Variants in MVD observed in about 807,000 individuals in gnomAD.
MVD encodes the protein mevalonate diphosphate decarboxylase.
In MVD, 52 loss-of-function variants were observed where a neutral mutation model predicts 42.4. The observed-to-expected ratio is 1.23, with a 90% CI of 0.98 to 1.55. The LOEUF (loss-of-function observed/expected upper bound fraction) is 1.55. Ranked by LOEUF, MVD falls within the 40% of genes most tolerant of loss-of-function variation. The probability of loss-of-function intolerance (pLI) is 0.00; values close to 1 mark genes in which losing one functional copy is unlikely to be tolerated. For missense variants in MVD, 663 were observed against 572.1 expected (o/e 1.16, Z -1.62); for synonymous variants, 287 against 243.2 (o/e 1.18, Z -1.68).
rs949969692 is a variant in MVD, at chr16:88,652,250, T to C, written c.*275A>G. 16 of 572,534 alleles carry C rather than the reference T, an allele frequency of 2.8e-5. No homozygotes were observed. Among genetic ancestry groups the C allele is most frequent in the African/African-American group, 5.6e-5 (3 of 53,204 alleles). The allele number at this position is 572,534 out of a possible 1,614,324, so 35.5% of individuals were successfully genotyped here. A position where few individuals can be genotyped will look rare whatever the true frequency, so the allele number is the denominator to read the frequency against. On this transcript the variant is annotated 3_prime_UTR_variant, in exon 10 of 10. Coordinates refer to ENST00000301012, the MANE Select transcript of MVD (RefSeq NM_002461.3). ...GGGTGAGAAAGCCCTTCAGCCCTGC[T>C]GCACCGAGGCTCTGCCAGTTCTCAT...
At chr16:88,658,388 G>A (rs564735099) in intron 2 of MVD, among the ~76,000 whole-genome samples, 5 of 152,278 alleles carry the variant, frequency 3.3e-5, no homozygotes, top group Non-Finnish European at 5.9e-5. Flanking sequence ...GCTGGGAGTC[G>A]TCGCTAGGCC....
intron 6 of MVD, 51 bp from the exon 7 acceptor site, chr16:88,655,468 G>C (rs1486031413): frequency 3.3e-6 from 5 of 1,533,586 alleles, no homozygotes; most frequent in Admixed American, 3.9e-5. Flanking sequence ...CTCGACAGCA[G>C]AGGGTTCGAG....
rs901412477 is a variant in MVD at position 88,654,481 on chromosome 16, C to T, written c.1013+211G>A. ...GGAGACCCTGGGCGTTGCTCACACA[C>T]GCGTGAGCGGCCTCTCTTTCTTCCC... is the stretch of plus-strand genomic sequence containing the variant. On this transcript the variant is annotated intron_variant, in intron 8 of 9. Coordinates refer to ENST00000301012, the MANE Select transcript of MVD (RefSeq NM_002461.3). 6.6e-6 allele frequency among the ~76,000 whole-genome samples: 1 copy of T among 152,204 alleles called. No individual in the cohort carries two copies. Among genetic ancestry groups the T allele is most frequent in the Non-Finnish European group, 1.5e-5 (1 of 68,036 alleles).
chr16:88,654,934 AGTGGAGCT>A, intron 7 of MVD, 127 bp from the exon 8 acceptor site: 1 of 992,922 alleles, frequency 1.0e-6, no homozygotes. Flanking sequence ...GCCACACTGG[AGTGGAGCT>A]GTGACCCCAA....
intron 1 of MVD, among the ~76,000 whole-genome samples, chr16:88,661,935 T>G (rs1908323490): frequency 2.4e-5 from 1 of 41,910 alleles, no homozygotes; most frequent in South Asian, 1.4e-3. Flanking sequence ...CATATATCTA[T>G]ACAGGTGTAT....
rs567135469 is a variant in MVD, at chr16:88,661,345, T to G, written c.70+1666A>C. Among the ~76,000 whole-genome samples the G allele has an allele frequency of 2.2e-4, 33 of 152,280 alleles. No homozygotes were observed. The South Asian group carries it at 3.7e-3, about 17-fold the overall frequency. On this transcript the variant is annotated intron_variant, in intron 1 of 9. Coordinates refer to ENST00000301012, the MANE Select transcript of MVD (RefSeq NM_002461.3). ...ATTAGCTAGTTTGGGAGACAATACC[T>G]GCAAACCACATGTCCAACAGGAGAC... is the stretch of plus-strand genomic sequence containing the variant.
chr16:88,660,766 G>A (rs563732881), intron 1 of MVD: 1 of 151,150 alleles, frequency 6.6e-6, no homozygotes, highest in Non-Finnish European at 1.5e-5. Context: ...CCAGCACTTT[G>A]GGAGGCTGAG....
At chr16:88,653,796 C>T (rs1907730904) in intron 8 of MVD, among the ~76,000 whole-genome samples, 1 of 152,118 alleles carries the variant, frequency 6.6e-6, no homozygotes, top group African/African-American at 2.4e-5. Context: ...GCGTTCGTCA[C>T]CGTGTTCTGC....
At chr16:88,656,364 G>A in intron 4 of MVD, 60 bp from the exon 5 acceptor site, 3 of 1,559,982 alleles carry the variant, frequency 1.9e-6, no homozygotes, top group Non-Finnish European at 2.6e-6. Context: ...CTCCCTGACA[G>A]CTCACCGCCC....
chr16:88,652,985 G>A (rs1907672941), intron 9 of MVD, among the ~76,000 whole-genome samples: 2 of 152,032 alleles, frequency 1.3e-5, no homozygotes, highest in Admixed American at 1.3e-4. Context: ...TTGGGGTGGG[G>A]GGGTCCCAGG....
rs779985545 is a variant in MVD at position 88,653,418 on chromosome 16, C to T, written c.1014-10G>A. ...CAGCCCCTTCAGAAACCTGGAAAAG[C>T]AGGGCAGGGGCACGGTGAATGCATC... On this transcript the variant is annotated splice_polypyrimidine_tract_variant and intron_variant, in intron 8 of 9. Transcript: ENST00000301012. The T allele has an allele frequency of 8.7e-6, 14 of 1,603,292 alleles. No individual in the cohort carries two copies. The Middle Eastern group carries it at 9.9e-4, about 113-fold the overall frequency.
chr16:88,653,850 G>A (rs927792460), intron 8 of MVD, among the ~76,000 whole-genome samples: 11 of 151,984 alleles, frequency 7.2e-5, no homozygotes, highest in African/African-American at 2.7e-4. Flanking sequence ...CAGCAGCCAC[G>A]AGCCTGGTGC....
chr16:88,661,095 A>T (rs1035535389), intron 1 of MVD, among the ~76,000 whole-genome samples: 3 of 151,340 alleles, frequency 2.0e-5, no homozygotes, highest in Admixed American at 2.0e-4. Flanking sequence ...TTTTTTTTAC[A>T]AAAGTGCAAA....
intron 9 of MVD, 94 bp from the exon 10 acceptor site, chr16:88,652,699 T>G: frequency 2.1e-5 from 26 of 1,217,382 alleles, no homozygotes; most frequent in Non-Finnish European, 2.8e-5. Flanking sequence ...GGTAGCGGTG[T>G]GCCCCCGCCC....
At chr16:88,662,618 T>C in intron 1 of MVD, 1 of 1,146,372 alleles carries the variant, frequency 8.7e-7, no homozygotes, top group Non-Finnish European at 1.1e-6. Flanking sequence ...TTCCGCTCAC[T>C]GCAGCCTCGA....
Position 88,663,039 on chromosome 16 carries a change from C to A in MVD, c.42G>T (p.Ala14=), listed in dbSNP as rs369291930. The A allele has an allele frequency of 6.8e-6, 11 of 1,609,846 alleles. No individual in the cohort carries two copies. The African/African-American group carries it at 1.2e-4, about 18-fold the overall frequency. The part of the protein sequence containing the change: ...EKPLAAVTCT[A]PVNIAVIKYW... ...ACTTGATGACCGCGATGTTGACCGG[C>A]GCTGTACAAGTGACTGCCGCCAGCG... Residue 14 remains alanine (A), a synonymous_variant, in exon 1 of 10, where the codon GCG becomes GCT. Coordinates refer to ENST00000301012, the MANE Select transcript of MVD (RefSeq NM_002461.3).
At chr16:88,659,685 G>T (rs1052516385) in intron 1 of MVD, among the ~76,000 whole-genome samples, 2 of 152,286 alleles carry the variant, frequency 1.3e-5, no homozygotes, top group South Asian at 2.1e-4. Context: ...CAGACTCCTG[G>T]CCGGGCGCGG....
intron 2 of MVD, 72 bp from the exon 3 acceptor site, chr16:88,658,101 C>T: frequency 6.9e-7 from 1 of 1,450,236 alleles, no homozygotes; most frequent in Non-Finnish European, 9.7e-7. Context: ...CCCCTTTCTA[C>T]TGAGAGAGCC....
Position 88,658,698 on chromosome 16 carries a change from C to T in MVD, c.93G>A (p.Leu31=), listed in dbSNP as rs771191317. 1.9e-6 allele frequency: 3 copies of T among 1,613,516 alleles called. No individual in the cohort carries two copies. The East Asian group carries it at 6.7e-5, about 36-fold the overall frequency. The part of the protein sequence containing the change: ...IKYWGKRDEE[L]VLPINSSLSV... Reference sequence around the variant, plus strand: ...TCAGGGAGGAGTTGATGGGCAGAACCAGCTCTTCATCGCGCTTGCCCCCTG... The same window carrying T: ...TCAGGGAGGAGTTGATGGGCAGAACTAGCTCTTCATCGCGCTTGCCCCCTG... The change falls in exon 2 of 10, where the codon CTG becomes CTA. Residue 31 remains leucine (L), a synonymous_variant. Coordinates refer to ENST00000301012, the MANE Select transcript of MVD (RefSeq NM_002461.3).
Sources: allele counts gnomAD v4.1 joint callset (sites outside exome capture counted in the v4.1 genomes callset), GRCh38; gene constraint gnomAD v4.1.1; transcripts MANE v1.5; gene names NCBI Gene and HGNC (gene_info 2026-07-23, HGNC 2026-07-21).